The following SIAH3 variants were observed in gnomAD, a reference collection of about 807,000 sequenced individuals.
The protein encoded by SIAH3 is siah E3 ubiquitin protein ligase family member 3.
In SIAH3, 9 loss-of-function variants were observed where a neutral mutation model predicts 12.6. The observed-to-expected ratio is 0.72, with a 90% confidence interval of 0.43 to 1.25. The LOEUF (loss-of-function observed/expected upper bound fraction) is 1.25, where lower values mean the gene tolerates loss of function less well. Among genes scored for constraint, SIAH3 ranks in the 50% most tolerant of loss-of-function variants. The pLI is 0.00. For synonymous variants in SIAH3, 154 were observed against 151.1 expected (o/e 1.02, Z -0.14); for missense variants, 390 against 365.4 (o/e 1.07, Z -0.55).
rs551017873 is a variant in SIAH3 at position 45,824,967 on chromosome 13, AC to A, written c.135+26527del. Among the ~76,000 whole-genome samples the A allele has an allele frequency of 2.6e-5, 4 of 152,294 alleles. No individual in the cohort carries two copies. The East Asian group carries it at 7.7e-4, about 29-fold the overall frequency. ...GGGCTGTGCTGAGAAGTGACAGAGA[AC>A]CAAGGCGTGTGCTAATGTGTCCACT... On this transcript the variant is annotated intron_variant, in intron 1 of 1. Transcript: ENST00000400405.
intron 1 of SIAH3, among the ~76,000 whole-genome samples, chr13:45,800,655 T>C (rs7986972): frequency 0.38 from 57,050 of 151,828 alleles, 11,304 homozygotes; most frequent in African/African-American, 0.45. Flanking sequence ...CCCTTCCTTT[T>C]CTGCCTCTGG....
At chr13:45,837,760 C>T (rs549758911) in intron 1 of SIAH3, among the ~76,000 whole-genome samples, 18 of 152,338 alleles carry the variant, frequency 1.2e-4, no homozygotes, top group Non-Finnish European at 2.4e-4. Context: ...TGTATTATTA[C>T]AGGCAAGGTA....
chr13:45,838,785 C>T (rs1306962300), intron 1 of SIAH3, among the ~76,000 whole-genome samples: 5 of 151,928 alleles, frequency 3.3e-5, no homozygotes, highest in Admixed American at 3.3e-4. Flanking sequence ...TCCTTGGCTC[C>T]TGCTTGAGTG....
chr13:45,846,369 C>T (rs1053652342), intron 1 of SIAH3, among the ~76,000 whole-genome samples: 27 of 152,034 alleles, frequency 1.8e-4, no homozygotes, highest in African/African-American at 5.3e-4. Flanking sequence ...GGATTACAGG[C>T]GTGAGCCACC....
At chr13:45,819,663 C>T (rs573598399) in intron 1 of SIAH3, among the ~76,000 whole-genome samples, 33 of 152,230 alleles carry the variant, frequency 2.2e-4, no homozygotes, top group South Asian at 6.2e-4. Flanking sequence ...ATATGTAAAA[C>T]GGGCCCTGCA....
chr13:45,850,919 CCACACACACACACACACACACA>C (rs34118981), intron 1 of SIAH3, among the ~76,000 whole-genome samples: 1 of 128,332 alleles, frequency 7.8e-6, no homozygotes, highest in East Asian at 2.5e-4. Flanking sequence ...CCTCCCGACA[CCACACACACACACACACACACA>C]CACACACACA....
At chr13:45,826,951 A>C (rs1950680263) in intron 1 of SIAH3, among the ~76,000 whole-genome samples, 1 of 152,162 alleles carries the variant, frequency 6.6e-6, no homozygotes, top group African/African-American at 2.4e-5. Context: ...TGATGAACTC[A>C]GCGGGCTAGA....
intron 1 of SIAH3, among the ~76,000 whole-genome samples, chr13:45,832,012 C>G (rs537669375): frequency 2.6e-5 from 4 of 152,184 alleles, no homozygotes; most frequent in African/African-American, 9.6e-5. Flanking sequence ...GCATTTCCAG[C>G]CCAGGGGTGG....
In SIAH3 at chr13:45,850,069, G is replaced by A. The variant is rs184393690; in HGVS notation, c.135+1426C>T. On this transcript the variant is annotated intron_variant, in intron 1 of 1. Transcript: ENST00000400405. Reference sequence around the variant, plus strand: ...AAGAAAAAAAGAAATAGTGGAATGAGAGGCAAGAGCGCGCAAGCAAGAGCA... The same window carrying A: ...AAGAAAAAAAGAAATAGTGGAATGAAAGGCAAGAGCGCGCAAGCAAGAGCA... Among the ~76,000 whole-genome samples, 551 of 152,328 alleles carry A rather than the reference G, an allele frequency of 3.6e-3. 7 individuals are homozygous for A. The highest frequency in any genetic ancestry group is 0.028 in the South Asian group (137 of 4,824).
At chr13:45,849,877 C>A (rs1464804594) in intron 1 of SIAH3, among the ~76,000 whole-genome samples, 1 of 151,952 alleles carries the variant, frequency 6.6e-6, no homozygotes, top group African/African-American at 2.4e-5. Context: ...AATTTCTTGC[C>A]CCAGGGAACT....
At chr13:45,849,295 A>C (rs1408756991) in intron 1 of SIAH3, among the ~76,000 whole-genome samples, 2 of 152,202 alleles carry the variant, frequency 1.3e-5, no homozygotes, top group Non-Finnish European at 2.9e-5. Context: ...TGAAAAGCCA[A>C]ATAAGAGTGT....
rs149132947 is a variant in SIAH3, at chr13:45,849,163, C to T, written c.135+2332G>A. ...ACCCTCCAGGTCTCTCCCTACCTGG[C>T]GCCCTCTCCAAATCCTGTGTGCCTA... On this transcript the variant is annotated intron_variant, in intron 1 of 1. Coordinates refer to ENST00000400405, the MANE Select transcript of SIAH3 (RefSeq NM_198849.3). Among the ~76,000 whole-genome samples, 81 of 152,290 alleles carry T rather than the reference C, an allele frequency of 5.3e-4. 2 individuals are homozygous for T. In the East Asian group the frequency reaches 0.015, roughly 28 times the overall value.
chr13:45,805,576 C>T (rs1209065249), intron 1 of SIAH3, among the ~76,000 whole-genome samples: 2 of 152,114 alleles, frequency 1.3e-5, no homozygotes, highest in Non-Finnish European at 1.5e-5. Flanking sequence ...TAAAAATTAA[C>T]TCAAGATGGA....
intron 1 of SIAH3, among the ~76,000 whole-genome samples, chr13:45,837,234 A>C (rs979872310): frequency 2.6e-5 from 4 of 152,164 alleles, no homozygotes; most frequent in Non-Finnish European, 2.9e-5. Flanking sequence ...TAAGACTCAG[A>C]GGATTTAAGA....
rs1285384151 is a variant in SIAH3, at chr13:45,795,055, A to T, written c.136-10998T>A. ...AAAACTTATTTTGATCTTTCCATAG[A>T]TAACCAGTAGTTGTTTAGAATGAGA... On this transcript the variant is annotated intron_variant, in intron 1 of 1. Coordinates refer to ENST00000400405, the MANE Select transcript of SIAH3 (RefSeq NM_198849.3). 3.9e-5 allele frequency among the ~76,000 whole-genome samples: 6 copies of T among 151,976 alleles called. No individual in the cohort carries two copies. The East Asian group carries it at 9.6e-4, about 24-fold the overall frequency.
intron 1 of SIAH3, among the ~76,000 whole-genome samples, chr13:45,838,020 A>G (rs2137581062): frequency 6.6e-6 from 1 of 152,260 alleles, no homozygotes; most frequent in East Asian, 1.9e-4. Context: ...ATCACCCCCC[A>G]TTTGGTGTAA....
At chr13:45,820,561 A>G (rs1950652145) in intron 1 of SIAH3, among the ~76,000 whole-genome samples, 1 of 152,220 alleles carries the variant, frequency 6.6e-6, no homozygotes, top group South Asian at 2.1e-4. Context: ...TGAAGTGTGC[A>G]GACATATGGT....
At chr13:45,801,000 G>C (rs1223863840) in intron 1 of SIAH3, among the ~76,000 whole-genome samples, 1 of 146,844 alleles carries the variant, frequency 6.8e-6, no homozygotes, top group Non-Finnish European at 1.5e-5. Context: ...GTCCACCTTT[G>C]ATTTTAGGCT....
At chr13:45,850,082 G>A (rs1400890031) in intron 1 of SIAH3, among the ~76,000 whole-genome samples, 8 of 152,204 alleles carry the variant, frequency 5.3e-5, no homozygotes, top group African/African-American at 1.9e-4. Flanking sequence ...GCAAGAGCGC[G>A]CAAGCAAGAG....
Sources: gnomAD v4.1 joint callset for allele counts (sites outside exome capture counted in the v4.1 genomes callset) on GRCh38, gnomAD v4.1.1 for gene constraint, MANE v1.5 for transcripts, NCBI Gene and HGNC (gene_info 2026-07-23, HGNC 2026-07-21) for gene names.